Variants in CSMD1 observed in about 807,000 individuals in gnomAD.
CSMD1 encodes CUB and sushi domain-containing protein 1.
In CSMD1, 213 loss-of-function variants were observed where a neutral mutation model predicts 417.5. That is an observed-to-expected ratio of 0.51 (90% CI 0.46 to 0.57). The LOEUF is 0.57. Among genes scored for constraint, CSMD1 ranks in the 20% least tolerant of loss-of-function variants. CSMD1 has a pLI of 0.00. For synonymous variants in CSMD1, 2,862 were observed against 1,736.8 expected, an observed-to-expected ratio of 1.65 and a Z score of -16.11; for missense variants, 6,923 against 4,529.7, an observed-to-expected ratio of 1.53 and a Z score of -15.17.
chr8:4,216,609 C>A (rs1033063328), intron 3 of CSMD1, among the ~76,000 whole-genome samples: 2 of 152,116 alleles, frequency 1.3e-5, no homozygotes, highest in Non-Finnish European at 2.9e-5. Flanking sequence ...CTGAGGACAC[C>A]GTGAAGTGTG....
At chr8:4,261,937 C>A (rs145897240) in intron 3 of CSMD1, among the ~76,000 whole-genome samples, 1 of 152,036 alleles carries the variant, frequency 6.6e-6, no homozygotes, top group African/African-American at 2.4e-5. Flanking sequence ...AATGATATGG[C>A]AATGTAACAA....
chr8:4,389,560 A>C (rs534237216), intron 3 of CSMD1, among the ~76,000 whole-genome samples: 4 of 152,196 alleles, frequency 2.6e-5, no homozygotes, highest in African/African-American at 9.6e-5. Flanking sequence ...TTAATTTATC[A>C]AAAGAACAAG....
intron 3 of CSMD1, among the ~76,000 whole-genome samples, chr8:4,293,260 CACA>C (rs758519227): frequency 5.9e-5 from 9 of 152,130 alleles, no homozygotes; most frequent in Non-Finnish European, 8.8e-5. Context: ...CGTGGAGAGA[CACA>C]ACAAGGAAGC....
At chr8:4,842,005 C>G (rs748839862) in intron 1 of CSMD1, among the ~76,000 whole-genome samples, 5 of 151,076 alleles carry the variant, frequency 3.3e-5, no homozygotes, top group Non-Finnish European at 5.9e-5. Context: ...TAGGGAAACC[C>G]TAGAAAAAAG....
intron 1 of CSMD1, among the ~76,000 whole-genome samples, chr8:4,866,127 G>C (rs76139319): frequency 0.031 from 4,729 of 152,028 alleles, 100 homozygotes; most frequent in Non-Finnish European, 0.043. Context: ...AAAGTGACTA[G>C]AATTATGTCA....
At chr8:3,737,056 G>A (rs1368204593) in intron 6 of CSMD1, among the ~76,000 whole-genome samples, 1 of 152,186 alleles carries the variant, frequency 6.6e-6, no homozygotes, top group Admixed American at 6.5e-5. Flanking sequence ...AGTGCTTTAA[G>A]CGGATTTGAA....
chr8:4,355,338 C>CACAT (rs772082040), intron 3 of CSMD1, among the ~76,000 whole-genome samples: 1 of 151,014 alleles, frequency 6.6e-6, no homozygotes, highest in South Asian at 2.1e-4. Flanking sequence ...CACACACACA[C>CACAT]GTATATATGA....
chr8:3,759,602 G>A (rs940105392), intron 5 of CSMD1, among the ~76,000 whole-genome samples: 6 of 151,962 alleles, frequency 3.9e-5, no homozygotes, highest in Admixed American at 1.3e-4. Context: ...ACCTCTAAAA[G>A]AGAATAGGGT....
At chr8:3,261,788 T>A (rs1007138588) in intron 26 of CSMD1, among the ~76,000 whole-genome samples, 1 of 151,930 alleles carries the variant, frequency 6.6e-6, no homozygotes, top group Admixed American at 6.6e-5. Context: ...AGCACATTTG[T>A]GAAATGATCA....
chr8:3,808,101 A>G (rs1800851150), intron 5 of CSMD1, among the ~76,000 whole-genome samples: 1 of 152,130 alleles, frequency 6.6e-6, no homozygotes, highest in Non-Finnish European at 1.5e-5. Flanking sequence ...AGACCTGTTC[A>G]CCCTCAGCCA....
intron 1 of CSMD1, among the ~76,000 whole-genome samples, chr8:4,959,394 C>T (rs531889144): frequency 7.1e-4 from 108 of 152,204 alleles, no homozygotes; most frequent in South Asian, 1.2e-3. Flanking sequence ...TCATTTTTGT[C>T]CACACTCAGT....
intron 1 of CSMD1, among the ~76,000 whole-genome samples, chr8:4,739,830 G>C (rs1304182426): frequency 6.6e-6 from 1 of 152,044 alleles, no homozygotes; most frequent in South Asian, 2.1e-4. Flanking sequence ...ATCTTTCCAT[G>C]TCTGGCCCCC....
chr8:4,310,668 G>A (rs111488700), intron 3 of CSMD1, among the ~76,000 whole-genome samples: 2 of 152,002 alleles, frequency 1.3e-5, no homozygotes, highest in East Asian at 1.9e-4. Context: ...AAAATTTAGG[G>A]GTGGCAAAAC....
At chr8:4,023,544 C>G (rs1451699337) in intron 4 of CSMD1, among the ~76,000 whole-genome samples, 2 of 151,438 alleles carry the variant, frequency 1.3e-5, no homozygotes, top group Admixed American at 1.3e-4. Flanking sequence ...GAGCAATATT[C>G]ACGCACTTAC....
intron 3 of CSMD1, among the ~76,000 whole-genome samples, chr8:4,268,259 C>A (rs11985095): frequency 6.6e-6 from 1 of 152,130 alleles, no homozygotes; most frequent in Non-Finnish European, 1.5e-5. Context: ...CATTCAAATA[C>A]TAATTGAGTT....
intron 7 of CSMD1, among the ~76,000 whole-genome samples, chr8:3,647,888 T>G (rs938226187): frequency 6.6e-6 from 1 of 152,236 alleles, no homozygotes; most frequent in East Asian, 1.9e-4. Context: ...CTGTGTAAGT[T>G]TGGAATTACT....
chr8:3,836,247 C>A (rs1374351809), intron 5 of CSMD1, among the ~76,000 whole-genome samples: 2 of 151,976 alleles, frequency 1.3e-5, no homozygotes, highest in Admixed American at 1.3e-4. Flanking sequence ...ATTTGGTTAT[C>A]TGCTCTTATT....
At position 4,032,825 on chromosome 8, in the gene CSMD1, G is replaced by A. The variant is rs150646902; in HGVS notation, c.416-726C>T. On this transcript the variant is annotated intron_variant, in intron 3 of 69. Transcript: ENST00000635120. ...TCAAAGGCCGTCAACCATCTGAATG[G>A]ACACATCCTCTCAGCCAGGGTGATT... Among the ~76,000 whole-genome samples the A allele has an allele frequency of 5.0e-4, 76 of 152,258 alleles. No individual in the cohort carries two copies. In the East Asian group the frequency reaches 0.014, roughly 27 times the overall value.
chr8:3,300,628 C>G (rs553086297), intron 25 of CSMD1, among the ~76,000 whole-genome samples: 2 of 152,102 alleles, frequency 1.3e-5, no homozygotes, highest in Middle Eastern at 6.8e-3. Flanking sequence ...GATTTACTTA[C>G]AAGACTACTT....
Sources: gnomAD v4.1 joint callset for allele counts (sites outside exome capture counted in the v4.1 genomes callset) on GRCh38, gnomAD v4.1.1 for gene constraint, MANE v1.5 for transcripts, NCBI Gene and HGNC (gene_info 2026-07-23, HGNC 2026-07-21) for gene names.